COMT: variants seen among roughly 807,000 people sequenced by gnomAD.
The protein encoded by COMT is catechol O-methyltransferase.
Under a neutral mutation model 18.9 loss-of-function variants are expected in COMT, and 13 were observed. That is an observed-to-expected ratio of 0.69 (90% CI 0.45 to 1.09). The LOEUF (loss-of-function observed/expected upper bound fraction) is 1.09, where lower values mean the gene tolerates loss of function less well. Ranked by LOEUF, COMT falls within the 50% of genes least tolerant of loss-of-function variation. COMT has a pLI of 0.00. For synonymous variants in COMT, 150 were observed against 160.9 expected (o/e 0.93, Z 0.51); for missense variants, 329 against 361.8 (o/e 0.91, Z 0.73).
intron 4 of COMT, 121 bp downstream of exon 4, chr22:19,963,880 C>G (rs1942267852): frequency 7.6e-7 from 1 of 1,319,084 alleles, no homozygotes; most frequent in South Asian, 1.3e-5. Context: ...CCCACTATCA[C>G]CAGGCCCCTC....
At chr22:19,965,721 G>A (rs1036576239) in intron 5 of COMT, 1 of 152,110 alleles carries the variant, frequency 6.6e-6, no homozygotes, top group Non-Finnish European at 1.5e-5. Context: ...TGTGGAGAGG[G>A]CTGTGGGGAG....
intron 5 of COMT, among the ~76,000 whole-genome samples, chr22:19,965,943 G>T (rs1364745822): frequency 6.6e-6 from 1 of 152,202 alleles, no homozygotes; most frequent in Non-Finnish European, 1.5e-5. Flanking sequence ...CAGCCAGATG[G>T]GCTTCACTTG....
intron 5 of COMT, among the ~76,000 whole-genome samples, chr22:19,968,081 C>G (rs955681647): frequency 1.3e-5 from 2 of 152,150 alleles, no homozygotes; most frequent in African/African-American, 4.8e-5. Flanking sequence ...GGAGGTCTGC[C>G]CCACCTCAGC....
intron 1 of COMT, among the ~76,000 whole-genome samples, chr22:19,956,370 CTTTTTTT>C (rs361698): frequency 8.4e-5 from 4 of 47,350 alleles, no homozygotes; most frequent in East Asian, 5.7e-4. Context: ...CTTGAGCTCT[CTTTTTTT>C]TTTTTTTTTT....
chr22:19,947,627 A>G (rs144570896), intron 1 of COMT, among the ~76,000 whole-genome samples: 1 of 152,162 alleles, frequency 6.6e-6, no homozygotes, highest in African/African-American at 2.4e-5. Flanking sequence ...TAATTTTGTT[A>G]CTGCTAGTTA....
rs34446512 is a variant in COMT, at chr22:19,964,670, C to A, written c.615+371C>A. ...GCTCTGGGCCCAGCCTGCTCTCCCC[C>A]AAGCAAGCCACTGCTCGTGCAAAGA... On this transcript the variant is annotated intron_variant, in intron 5 of 5. Transcript: ENST00000361682. 3 of 578,514 alleles carry A rather than the reference C, an allele frequency of 5.2e-6. No individual in the cohort carries two copies. The African/African-American group carries it at 5.6e-5, about 11-fold the overall frequency. The allele number at this position is 578,514 out of a possible 1,614,324, so 35.8% of individuals were successfully genotyped here.
Position 19,964,177 on chromosome 22 carries a change from G to A in COMT, c.493G>A (p.Val165Met). 3 of 1,614,142 alleles carry A rather than the reference G, an allele frequency of 1.9e-6. No individual in the cohort carries two copies. Among genetic ancestry groups the A allele is most frequent in the Non-Finnish European group, 2.5e-6 (3 of 1,180,044 alleles). The change falls in exon 5 of 6, where the codon GTG becomes ATG. Residue 165 changes from valine to methionine, a missense_variant. By Grantham distance (21) the Val-to-Met change is conservative (BLOSUM62 1). Coordinates refer to ENST00000361682, the MANE Select transcript of COMT (RefSeq NM_000754.4). Reference protein sequence around the residue: ...FAGVKDKVTLVVGASQDIIPQ... With the variant: ...FAGVKDKVTLMVGASQDIIPQ... ...ACAGGCGCTGTTCCAGGTCACCCTTGTGGTTGGAGCGTCCCAGGACATCAT... is the reference window on the plus strand; with the variant it reads ...ACAGGCGCTGTTCCAGGTCACCCTTATGGTTGGAGCGTCCCAGGACATCAT...
chr22:19,963,777 G>T lies in COMT; in HGVS notation c.483+18G>T. ...AGGACAAGGTGTGCATGCCTGACCC[G>T]TTGTCAGACCTGGAAAAAGGGCCGG... On this transcript the variant is annotated intron_variant, in intron 4 of 5. Coordinates refer to ENST00000361682, the MANE Select transcript of COMT (RefSeq NM_000754.4). 6.2e-7 allele frequency: 1 copy of T among 1,605,938 alleles called. No homozygotes were observed.
At chr22:19,945,871 T>C (rs1174366838) in intron 1 of COMT, among the ~76,000 whole-genome samples, 1 of 152,166 alleles carries the variant, frequency 6.6e-6, no homozygotes, top group Non-Finnish European at 1.5e-5. Flanking sequence ...TTCACTGTGT[T>C]AGCAAGGATG....
Position 19,962,570 on chromosome 22 carries a change from G to C in COMT, c.44G>C (p.Gly15Ala), listed in dbSNP as rs1942218305. The C allele has an allele frequency of 3.2e-6, 5 of 1,568,572 alleles. No individual in the cohort carries two copies. The highest frequency in any genetic ancestry group is 4.3e-6 in the Non-Finnish European group (5 of 1,157,532). Residue 15 changes from glycine to alanine, a missense_variant, in exon 3 of 6, where the codon GGC becomes GCC. Gly to Ala is a moderately conservative substitution (Grantham distance 60). Coordinates refer to ENST00000361682, the MANE Select transcript of COMT (RefSeq NM_000754.4). ...CTGCTGTTGGCAGCTGTGTTGCTGG[G>C]CCTGGTGCTGCTGGTGGTGCTGCTG... ...PPLLLAAVLLGLVLLVVLLLL... is the reference protein window; with the variant it reads ...PPLLLAAVLLALVLLVVLLLL...
At chr22:19,951,927 G>A (rs977337622) in intron 1 of COMT, among the ~76,000 whole-genome samples, 20 of 152,194 alleles carry the variant, frequency 1.3e-4, no homozygotes, top group African/African-American at 4.8e-4. Context: ...CCAGAACACA[G>A]GAAATTCTCT....
At chr22:19,959,447 T>C (rs1469281630) in intron 1 of COMT, among the ~76,000 whole-genome samples, 1 of 152,106 alleles carries the variant, frequency 6.6e-6, no homozygotes, top group Non-Finnish European at 1.5e-5. Flanking sequence ...TGGTCCCGCG[T>C]CCCTCCCGGC....
intron 4 of COMT, 37 bp downstream of exon 4, chr22:19,963,796 G>C: frequency 7.5e-6 from 12 of 1,595,332 alleles, no homozygotes; most frequent in Non-Finnish European, 1.0e-5. Context: ...CCTGGAAAAA[G>C]GGCCGGCTGT....
At chr22:19,942,231 C>T (rs148490074) in intron 1 of COMT, among the ~76,000 whole-genome samples, 72 of 152,330 alleles carry the variant, frequency 4.7e-4, no homozygotes, top group South Asian at 6.2e-4. Flanking sequence ...GGATAAGCCT[C>T]TCCCTGGAGT....
At chr22:19,958,348 A>G (rs1321301930) in intron 1 of COMT, among the ~76,000 whole-genome samples, 1 of 151,244 alleles carries the variant, frequency 6.6e-6, no homozygotes, top group Non-Finnish European at 1.5e-5. Flanking sequence ...AGTTTTTTGT[A>G]GAGATGGGGT....
Position 19,962,516 on chromosome 22 carries a change from C to T in COMT, c.1-11C>T. On this transcript the variant is annotated splice_polypyrimidine_tract_variant and intron_variant, in intron 2 of 5. Transcript: ENST00000361682. ...ACAGAGCACTGGCGCCCCTCCCCTC[C>T]CGCCCTGCAGATGCCGGAGGCCCCG... The T allele has an allele frequency of 6.5e-7, 1 of 1,543,048 alleles. No individual in the cohort carries two copies. The highest frequency in any genetic ancestry group is 8.7e-7 in the Non-Finnish European group (1 of 1,147,558).
intron 1 of COMT, among the ~76,000 whole-genome samples, chr22:19,949,630 C>T (rs942058814): frequency 6.6e-6 from 1 of 151,490 alleles, no homozygotes; most frequent in African/African-American, 2.4e-5. Context: ...CAGCGTCTTG[C>T]TCTTTTGCCC....
At chr22:19,963,532 T>C (rs779543331) in intron 3 of COMT, 34 bp from the exon 4 acceptor site, 1 of 1,606,790 alleles carries the variant, frequency 6.2e-7, no homozygotes. Context: ...TCTCCACCTG[T>C]GCTCACCTCT....
Position 19,962,733 on chromosome 22 carries a change from C to CG in COMT, c.210dup (p.Asn71GlufsTer10). Reference sequence around the variant, plus strand: ...ACCACGTGCTGCAGCATGCGGAGCCCGGGAACGCACAGAGCGTGCTGGAGG... The same window carrying CG: ...ACCACGTGCTGCAGCATGCGGAGCCCGGGGAACGCACAGAGCGTGCTGGAGG... On this transcript the variant is annotated frameshift_variant, in exon 3 of 6. Coordinates refer to ENST00000361682, the MANE Select transcript of COMT (RefSeq NM_000754.4). LOFTEE classifies it high-confidence loss of function. The CG allele has an allele frequency of 6.2e-7, 1 of 1,613,698 alleles. No homozygotes were observed. The highest frequency in any genetic ancestry group is 8.5e-7 in the Non-Finnish European group (1 of 1,179,974).
Sources: allele counts gnomAD v4.1 joint callset (sites outside exome capture counted in the v4.1 genomes callset), GRCh38; gene constraint gnomAD v4.1.1; transcripts MANE v1.5; gene names NCBI Gene and HGNC (gene_info 2026-07-23, HGNC 2026-07-21).